CACNA1D: variants seen among roughly 807,000 people sequenced by gnomAD.
CACNA1D encodes the protein calcium voltage-gated channel subunit alpha1 D.
CACNA1D carries 55 observed loss-of-function variants against 257.1 expected under a neutral mutation model. The ratio of observed to expected loss-of-function variants is 0.21; its 90% CI spans 0.17 to 0.27. The LOEUF (loss-of-function observed/expected upper bound fraction) is 0.27. CACNA1D is among the 10% of genes least tolerant of loss of function. The probability of loss-of-function intolerance (pLI) is 1.00; values close to 1 mark genes in which losing one functional copy is unlikely to be tolerated. For missense variants in CACNA1D, 1,876 were observed against 2,784.0 expected, an observed-to-expected ratio of 0.67 and a Z score of 7.34; for synonymous variants, 980 against 1,014.9, an observed-to-expected ratio of 0.97 and a Z score of 0.65.
At chr3:53,501,568 T>C (rs1421429896) in intron 2 of CACNA1D, 47 bp from the exon 3 acceptor site, 5 of 966,748 alleles carry the variant, frequency 5.2e-6, no homozygotes, top group Non-Finnish European at 8.4e-6. Context: ...ATGAGGGACA[T>C]GGTTTATGTT....
intron 3 of CACNA1D, among the ~76,000 whole-genome samples, chr3:53,565,342 A>G (rs2092815291): frequency 6.6e-6 from 1 of 152,180 alleles, no homozygotes; most frequent in South Asian, 2.1e-4. Flanking sequence ...ACACACACAC[A>G]CACACGTACA....
intron 3 of CACNA1D, among the ~76,000 whole-genome samples, chr3:53,648,829 AAC>A (rs148968944): frequency 0.063 from 9,241 of 146,430 alleles, 600 homozygotes; most frequent in African/African-American, 0.17. Context: ...TAACTCTCAA[AAC>A]ACACACACAC....
intron 30 of CACNA1D, chr3:53,765,693 C>T (rs1319815897): frequency 6.6e-6 from 1 of 152,584 alleles, no homozygotes; most frequent in Non-Finnish European, 1.5e-5. Flanking sequence ...CATAGTCTTC[C>T]AGAATGAATG....
intron 42 of CACNA1D, among the ~76,000 whole-genome samples, chr3:53,801,766 A>G (rs1273542328): frequency 1.3e-5 from 2 of 152,208 alleles, no homozygotes; most frequent in Non-Finnish European, 2.9e-5. Context: ...CAGTGAGTCA[A>G]TATTTTAGGC....
chr3:53,590,631 TGTTG>T (rs2093290130), intron 3 of CACNA1D, among the ~76,000 whole-genome samples: 1 of 152,208 alleles, frequency 6.6e-6, no homozygotes, highest in Admixed American at 6.5e-5. Context: ...TTCTAATTCC[TGTTG>T]GTTGGTTGGA....
intron 3 of CACNA1D, among the ~76,000 whole-genome samples, chr3:53,649,761 T>C (rs1047301143): frequency 3.9e-5 from 6 of 152,240 alleles, no homozygotes; most frequent in Non-Finnish European, 4.4e-5. Context: ...ATAGTTCATA[T>C]TGGAAAGTTA....
At chr3:53,731,301 A>AG (rs151218017) in intron 17 of CACNA1D, among the ~76,000 whole-genome samples, 155 bp downstream of exon 17, 1 of 152,210 alleles carries the variant, frequency 6.6e-6, no homozygotes. Context: ...CTGGCTTCCC[A>AG]GGGGGGATTC....
At chr3:53,636,241 A>G (rs912427392) in intron 3 of CACNA1D, among the ~76,000 whole-genome samples, 1 of 152,182 alleles carries the variant, frequency 6.6e-6, no homozygotes, top group Non-Finnish European at 1.5e-5. Context: ...GTGAGCAGTA[A>G]TAAATACATT....
chr3:53,711,060 G>C (rs773446563), intron 9 of CACNA1D, among the ~76,000 whole-genome samples: 3 of 152,150 alleles, frequency 2.0e-5, no homozygotes, highest in Non-Finnish European at 4.4e-5. Context: ...GTGAGACCCT[G>C]TGTCTACCAA....
intron 8 of CACNA1D, among the ~76,000 whole-genome samples, chr3:53,693,177 T>C (rs2094543417): frequency 6.6e-6 from 1 of 152,236 alleles, no homozygotes. Flanking sequence ...GGCAGCTGTG[T>C]TTCATGACTG....
intron 25 of CACNA1D, among the ~76,000 whole-genome samples, 184 bp from the exon 26 acceptor site, chr3:53,747,118 G>A (rs961097827): frequency 3.3e-5 from 5 of 152,304 alleles, no homozygotes; most frequent in South Asian, 2.1e-4. Flanking sequence ...TTTGAGCCGC[G>A]AAGTAGATTA....
At position 53,722,439 on chromosome 3, in the gene CACNA1D, A is replaced by T. The variant is rs2094891931; in HGVS notation, c.1631A>T (p.His544Leu). Residue 544 changes from histidine to leucine, a missense_variant, in exon 12 of 48, where the codon CAC becomes CTC. By Grantham distance (99) the His-to-Leu change is moderately conservative. Coordinates refer to ENST00000350061, the MANE Select transcript of CACNA1D (RefSeq NM_001128840.3). ...AACACCTTAACCATTTCCTCTGAGC[A>T]CTACAATCAGCCAGATTGGTTGACA... ...FLNTLTISSE[H>L]YNQPDWLTQI... The T allele has an allele frequency of 1.9e-6, 3 of 1,614,206 alleles. No homozygotes were observed. The highest frequency in any genetic ancestry group is 2.5e-6 in the Non-Finnish European group (3 of 1,180,040).
At chr3:53,681,051 C>T (rs2094425081) in intron 8 of CACNA1D, among the ~76,000 whole-genome samples, 1 of 152,188 alleles carries the variant, frequency 6.6e-6, no homozygotes, top group Non-Finnish European at 1.5e-5. Flanking sequence ...TATGAGACAG[C>T]ATTGATGGTG....
intron 3 of CACNA1D, among the ~76,000 whole-genome samples, chr3:53,634,024 G>C (rs1435397306): frequency 6.6e-6 from 1 of 152,180 alleles, no homozygotes; most frequent in Non-Finnish European, 1.5e-5. Flanking sequence ...CTATTCAGCT[G>C]GTTAAGCTTT....
intron 37 of CACNA1D, among the ~76,000 whole-genome samples, chr3:53,777,451 G>A (rs2095404058): frequency 6.6e-6 from 1 of 152,220 alleles, no homozygotes; most frequent in Admixed American, 6.5e-5. Context: ...CAATGGAGAA[G>A]TAGACCTGAG....
intron 3 of CACNA1D, among the ~76,000 whole-genome samples, chr3:53,508,508 CT>C (rs1204481784): frequency 6.6e-6 from 1 of 152,152 alleles, no homozygotes; most frequent in Non-Finnish European, 1.5e-5. Context: ...GACCCAGTGT[CT>C]GTTGTTTCCC....
chr3:53,676,370 T>C (rs1280173679), intron 8 of CACNA1D, among the ~76,000 whole-genome samples: 1 of 152,138 alleles, frequency 6.6e-6, no homozygotes, highest in Non-Finnish European at 1.5e-5. Flanking sequence ...ATTATTATTA[T>C]TTTTTTAAAT....
intron 11 of CACNA1D, among the ~76,000 whole-genome samples, chr3:53,721,098 G>A (rs191123805): frequency 2.6e-5 from 4 of 152,346 alleles, no homozygotes; most frequent in Non-Finnish European, 5.9e-5. Flanking sequence ...CATCCTAGGA[G>A]AAACCCAGCT....
rs1310616422 is a variant in CACNA1D at position 53,774,701 on chromosome 3, G to C, written c.4202+23G>C. 1 of 1,461,460 alleles carries C rather than the reference G, an allele frequency of 6.8e-7. No homozygotes were observed. Among genetic ancestry groups the C allele is most frequent in the Non-Finnish European group, 9.6e-7 (1 of 1,040,710 alleles). 90.5% of individuals were successfully genotyped at this position (1,461,460 alleles called of 1,614,324 possible). A position where few individuals can be genotyped will look rare whatever the true frequency, so the allele number is the denominator to read the frequency against. ...CAGGTGACTGCAACTGGCTTGGGCG[G>C]TGCTCCTGGGCAGGGGGGTCCGCTA... On this transcript the variant is annotated intron_variant, in intron 34 of 47. Coordinates refer to ENST00000350061, the MANE Select transcript of CACNA1D (RefSeq NM_001128840.3). This position sits in a 1 kb window ranked among gnomAD's most constrained non-coding sequence, Gnocchi z 4.3.
Sources: gnomAD v4.1 joint callset for allele counts (sites outside exome capture counted in the v4.1 genomes callset) on GRCh38, gnomAD v4.1.1 for gene constraint, Gnocchi (gnomAD v3.1) non-coding constraint, MANE v1.5 for transcripts, NCBI Gene and HGNC (gene_info 2026-07-23, HGNC 2026-07-21) for gene names.